Variants in ZMYM2 observed in about 807,000 individuals in gnomAD.
The protein encoded by ZMYM2 is zinc finger MYM-type containing 2, also known as zinc finger MYM-type protein 2.
In ZMYM2, 56 loss-of-function variants were observed where a neutral mutation model predicts 162.8. The observed-to-expected ratio is 0.34, with a 90% CI of 0.28 to 0.43. The LOEUF (loss-of-function observed/expected upper bound fraction) is 0.43. ZMYM2 is among the 20% of genes least tolerant of loss of function. The probability of loss-of-function intolerance (pLI) is 1.00; values close to 1 mark genes in which losing one functional copy is unlikely to be tolerated. For missense variants in ZMYM2, 1,275 were observed against 1,621.8 expected, an observed-to-expected ratio of 0.79 and a Z score of 3.67; for synonymous variants, 510 against 541.6, an observed-to-expected ratio of 0.94 and a Z score of 0.81.
In ZMYM2 at chr13:20,087,201, G is replaced by T. The variant is rs1958324615; in HGVS notation, c.*1187G>T. ...ACAAAGAAACTAATAGAGAAAGTCA[G>T]TCTCAGAGGAAATCCCATTTAATGT... On this transcript the variant is annotated 3_prime_UTR_variant, in exon 25 of 25. Transcript: ENST00000610343. 5.3e-6 allele frequency: 1 copy of T among 187,448 alleles called. No homozygotes were observed. Among genetic ancestry groups the T allele is most frequent in the Non-Finnish European group, 1.1e-5 (1 of 89,004 alleles). The allele number at this position is 187,448 out of a possible 1,614,324, so 11.6% of individuals were successfully genotyped here.
intron 10 of ZMYM2, among the ~76,000 whole-genome samples, chr13:20,031,738 G>C (rs1332275696): frequency 6.6e-6 from 1 of 150,998 alleles, no homozygotes; most frequent in African/African-American, 2.4e-5. Flanking sequence ...TCCTTTTTTT[G>C]TCCCATGTTT....
chr13:19,922,801 A>G, the ZMYM2 span, among the ~76,000 whole-genome samples: 7 of 152,050 alleles, frequency 4.6e-5, no homozygotes, highest in Non-Finnish European at 1.0e-4. Context: ...CCGAGATCCC[A>G]CCACTGCACT....
the ZMYM2 span, among the ~76,000 whole-genome samples, chr13:19,941,759 G>A: frequency 1.4e-5 from 2 of 139,608 alleles, no homozygotes; most frequent in African/African-American, 2.7e-5. Context: ...AGGGCTGAGC[G>A]TGGGGGTGGG....
At chr13:19,992,570 C>G (rs896366550) in intron 2 of ZMYM2, among the ~76,000 whole-genome samples, 1 of 151,616 alleles carries the variant, frequency 6.6e-6, no homozygotes, top group Non-Finnish European at 1.5e-5. Context: ...TCCCCACCCC[C>G]CAAAAAAGAT....
chr13:19,932,788 A>G, the ZMYM2 span, among the ~76,000 whole-genome samples: 1 of 152,174 alleles, frequency 6.6e-6, no homozygotes, highest in African/African-American at 2.4e-5. Context: ...CTGGCACCGT[A>G]TCTTGACTTT....
chr13:20,061,215 A>G lies in ZMYM2; in HGVS notation c.2902A>G (p.Asn968Asp), dbSNP rs1248181480. 2 of 1,613,600 alleles carry G rather than the reference A, an allele frequency of 1.2e-6. No individual in the cohort carries two copies. The highest frequency in any genetic ancestry group is 2.7e-5 in the African/African-American group (2 of 74,938). ...SEDEGKTETT[N>D]INSVIIETDI... Reference sequence around the variant, plus strand: ...AGACGAGGGGAAAACAGAGACAACCAACATCAACAGTGAGCTACACTAAAT... The same window carrying G: ...AGACGAGGGGAAAACAGAGACAACCGACATCAACAGTGAGCTACACTAAAT... Residue 968 changes from asparagine to aspartate, a missense_variant, in exon 17 of 25, where the codon AAC becomes GAC. Coordinates refer to ENST00000610343, the MANE Select transcript of ZMYM2 (RefSeq NM_197968.4).
the ZMYM2 span, among the ~76,000 whole-genome samples, chr13:19,879,196 C>T: frequency 1.3e-5 from 2 of 152,134 alleles, no homozygotes; most frequent in South Asian, 2.1e-4. Flanking sequence ...CAACTTCATT[C>T]TTCTGCATGT....
Position 20,002,929 on chromosome 13 carries a change from A to T in ZMYM2, c.927A>T (p.Ser309=), listed in dbSNP as rs1950499386. Residue 309 remains serine (S), a synonymous_variant, in exon 4 of 25, where the codon TCA becomes TCT. Transcript: ENST00000610343. Reference sequence around the variant, plus strand: ...TGGACTCTTTATCACCAGTGGCCTCACTTCCTAAACAGATTTTCCAGCCGT... The same window carrying T: ...TGGACTCTTTATCACCAGTGGCCTCTCTTCCTAAACAGATTTTCCAGCCGT... The part of the protein sequence containing the change: ...PGVDSLSPVA[S]LPKQIFQPSV... 6.2e-7 allele frequency: 1 copy of T among 1,614,014 alleles called. No individual in the cohort carries two copies. Among genetic ancestry groups the T allele is most frequent in the South Asian group, 1.1e-5 (1 of 91,088 alleles).
At chr13:20,001,465 C>T (rs1032689606) in intron 3 of ZMYM2, among the ~76,000 whole-genome samples, 1 of 151,186 alleles carries the variant, frequency 6.6e-6, no homozygotes, top group African/African-American at 2.4e-5. Flanking sequence ...AAAACTTGCA[C>T]AGATGAGGAG....
intron 6 of ZMYM2, among the ~76,000 whole-genome samples, chr13:20,011,693 C>T (rs1222376359): frequency 6.6e-6 from 1 of 151,292 alleles, no homozygotes; most frequent in African/African-American, 2.4e-5. Context: ...GATTCTCTTG[C>T]CTCAGCCTCC....
At chr13:19,929,741 T>C in the ZMYM2 span, among the ~76,000 whole-genome samples, 2 of 152,220 alleles carry the variant, frequency 1.3e-5, no homozygotes, top group South Asian at 2.1e-4. Flanking sequence ...CAGTGGTTAC[T>C]TGCCTCATAG....
chr13:20,063,468 G>A (rs1204427073), intron 18 of ZMYM2, among the ~76,000 whole-genome samples: 3 of 150,442 alleles, frequency 2.0e-5, no homozygotes, highest in Non-Finnish European at 4.4e-5. Context: ...AGAAGTGTTT[G>A]TGTCCTTTTT....
chr13:19,985,780 G>C (rs530781372), intron 2 of ZMYM2, among the ~76,000 whole-genome samples: 30 of 152,124 alleles, frequency 2.0e-4, no homozygotes, highest in Admixed American at 1.2e-3. Context: ...GGAGGCTGAG[G>C]CACAAGAATT....
rs540184922 is a variant in ZMYM2 at position 19,960,065 on chromosome 13, A to G, written c.-11+39A>G. 8.5e-5 allele frequency: 13 copies of G among 152,406 alleles called. No individual in the cohort carries two copies. In the East Asian group the frequency reaches 2.1e-3, roughly 25 times the overall value. The allele number at this position is 152,406 out of a possible 1,614,324, so 9.4% of individuals were successfully genotyped here. On this transcript the variant is annotated intron_variant, in intron 2 of 24. Transcript: ENST00000610343. ...CCCTAATTTGTTGCTAATAGAGGACATTGTCAGGTTGTAGGGGTTAAGCTA... is the reference window on the plus strand; with the variant it reads ...CCCTAATTTGTTGCTAATAGAGGACGTTGTCAGGTTGTAGGGGTTAAGCTA...
intron 3 of ZMYM2, among the ~76,000 whole-genome samples, chr13:20,000,930 C>T (rs1038895126): frequency 2.0e-5 from 3 of 152,186 alleles, no homozygotes; most frequent in African/African-American, 7.2e-5. Flanking sequence ...TCTCAGTGCC[C>T]TTATGAACAT....
chr13:19,983,794 A>G (rs1391590670), intron 2 of ZMYM2, among the ~76,000 whole-genome samples: 3 of 149,724 alleles, frequency 2.0e-5, no homozygotes, highest in African/African-American at 7.5e-5. Context: ...ATGCCCATCT[A>G]ATTTTCCTAT....
Position 20,085,952 on chromosome 13 carries a change from G to A in ZMYM2, c.4072G>A (p.Val1358Ile). 2 of 1,613,712 alleles carry A rather than the reference G, an allele frequency of 1.2e-6. No individual in the cohort carries two copies. The highest frequency in any genetic ancestry group is 1.7e-5 in the Admixed American group (1 of 60,012). ...RNTLENMLVR[V>I]LLVKDIYDKD... ...CACCTTGGAAAATATGCTTGTACGG[G>A]TTCTTCTAGTAAAAGATATTTATGA... The change falls in exon 25 of 25, where the codon GTT becomes ATT. Residue 1358 changes from valine to isoleucine, a missense_variant. This residue lies in a region of ZMYM2 where 69 missense variants were observed against 78.4 expected (regional missense o/e 0.88). Coordinates refer to ENST00000610343, the MANE Select transcript of ZMYM2 (RefSeq NM_197968.4).
intron 2 of ZMYM2, among the ~76,000 whole-genome samples, chr13:19,991,042 T>TTC (rs1175206131): frequency 5.6e-5 from 5 of 88,776 alleles, no homozygotes; most frequent in African/African-American, 1.1e-4. Flanking sequence ...CCTAGAAATT[T>TTC]TCTCTCTGTG....
intron 2 of ZMYM2, among the ~76,000 whole-genome samples, chr13:19,960,389 C>T (rs1420825965): frequency 1.3e-5 from 2 of 152,218 alleles, no homozygotes; most frequent in African/African-American, 2.4e-5. Context: ...GCTGTGCATG[C>T]AACCTGAACA....
Sources: gnomAD v4.1 joint callset for allele counts (sites outside exome capture counted in the v4.1 genomes callset) on GRCh38, gnomAD v4.1.1 for gene constraint, gnomAD v4.1.1 regional missense constraint, MANE v1.5 for transcripts, NCBI Gene and HGNC (gene_info 2026-07-23, HGNC 2026-07-21) for gene names.